PREX2: variants seen among roughly 807,000 people sequenced by gnomAD.
PREX2 encodes phosphatidylinositol-3,4,5-trisphosphate dependent Rac exchange factor 2.
PREX2 carries 107 observed loss-of-function variants against 203.2 expected under a neutral mutation model. That is an observed-to-expected ratio of 0.53 (90% confidence interval 0.45 to 0.62). PREX2 has a LOEUF of 0.62. Among genes scored for constraint, PREX2 ranks in the 20% least tolerant of loss-of-function variants. The pLI is 0.00. For missense variants in PREX2, 1,777 were observed against 1,955.9 expected (o/e 0.91, Z 1.72); for synonymous variants, 672 against 663.6 (o/e 1.01, Z -0.19).
rs148193907 is a variant in PREX2, at chr8:68,034,648, C to T, written c.706-3511C>T. ...AGACACAGAAAGAAATTGGACATTT[C>T]TTTACTACCTTTTTACATGGAAAAA... On this transcript the variant is annotated intron_variant, in intron 6 of 39. Coordinates refer to ENST00000288368, the MANE Select transcript of PREX2 (RefSeq NM_024870.4). Among the ~76,000 whole-genome samples the T allele has an allele frequency of 4.8e-3, 731 of 152,230 alleles. 6 individuals carry two copies. Among genetic ancestry groups the T allele is most frequent in the African/African-American group, 0.017 (697 of 41,570 alleles).
chr8:68,146,190 C>G lies in PREX2; in HGVS notation c.4088-19C>G. ...TATCCTTATTTTAGGAAGTAATATA[C>G]TATTAAATATCATTTTAGATGTTCC... On this transcript the variant is annotated intron_variant, in intron 33 of 39. Coordinates refer to ENST00000288368, the MANE Select transcript of PREX2 (RefSeq NM_024870.4). The G allele has an allele frequency of 6.4e-7, 1 of 1,572,660 alleles. No homozygotes were observed. Among genetic ancestry groups the G allele is most frequent in the East Asian group, 2.3e-5 (1 of 44,330 alleles).
intron 1 of PREX2, among the ~76,000 whole-genome samples, chr8:68,002,430 T>G (rs1407826103): frequency 6.6e-6 from 1 of 152,100 alleles, no homozygotes; most frequent in Non-Finnish European, 1.5e-5. Context: ...TACTCCCACC[T>G]CCATCTCACA....
At chr8:68,114,948 G>T (rs1280994315) in intron 25 of PREX2, among the ~76,000 whole-genome samples, 4 of 151,014 alleles carry the variant, frequency 2.6e-5, no homozygotes, top group Non-Finnish European at 4.4e-5. Flanking sequence ...TATAGTTTGG[G>T]TTTAATATTT....
At chr8:68,140,918 C>G (rs984111246) in intron 33 of PREX2, among the ~76,000 whole-genome samples, 1 of 152,082 alleles carries the variant, frequency 6.6e-6, no homozygotes, top group Non-Finnish European at 1.5e-5. Flanking sequence ...AGAATTATGG[C>G]ATGCCAAGCA....
intron 15 of PREX2, among the ~76,000 whole-genome samples, chr8:68,079,440 GT>G (rs1209398240): frequency 6.6e-6 from 1 of 152,268 alleles, no homozygotes; most frequent in East Asian, 1.9e-4. Context: ...TATGTAGAAG[GT>G]TTTATTGCCC....
intron 1 of PREX2, among the ~76,000 whole-genome samples, chr8:67,977,671 C>G (rs888839635): frequency 2.2e-4 from 34 of 152,094 alleles, no homozygotes; most frequent in African/African-American, 6.8e-4. Flanking sequence ...CAGCCCCACA[C>G]TCAACCTCTG....
intron 37 of PREX2, among the ~76,000 whole-genome samples, chr8:68,199,818 C>A (rs1367568560): frequency 1.3e-5 from 2 of 152,140 alleles, no homozygotes; most frequent in Non-Finnish European, 2.9e-5. Flanking sequence ...GACAAATAGG[C>A]CCAGATTAGG....
At chr8:68,089,096 A>G (rs1809786590) in intron 19 of PREX2, among the ~76,000 whole-genome samples, 1 of 152,218 alleles carries the variant, frequency 6.6e-6, no homozygotes. Context: ...GGGTCACTGC[A>G]GTCACGCTTG....
At chr8:68,073,721 G>T (rs1252668229) in intron 14 of PREX2, among the ~76,000 whole-genome samples, 1 of 152,100 alleles carries the variant, frequency 6.6e-6, no homozygotes, top group Non-Finnish European at 1.5e-5. Context: ...CATTCGAGCT[G>T]ATTTCTATGT....
In PREX2 at chr8:68,055,735, T is replaced by C. The variant is rs181017619; in HGVS notation, c.1094-95T>C. The stretch of plus-strand genomic sequence containing the variant: ...TGTATCCACAACCCCCAGCACATGG[T>C]AGACCTGCAACAAATGCTTGCTTAA... On this transcript the variant is annotated intron_variant, in intron 9 of 39. Transcript: ENST00000288368. The C allele has an allele frequency of 1.1e-4, 125 of 1,165,498 alleles. No individual in the cohort carries two copies. The East Asian group carries it at 1.3e-3, about 12-fold the overall frequency. The allele number at this position is 1,165,498 out of a possible 1,614,324, so 72.2% of individuals were successfully genotyped here. A position where few individuals can be genotyped will look rare whatever the true frequency, so the allele number is the denominator to read the frequency against.
chr8:68,162,596 A>G (rs532724022), intron 35 of PREX2, among the ~76,000 whole-genome samples: 2 of 152,276 alleles, frequency 1.3e-5, no homozygotes, highest in African/African-American at 4.8e-5. Flanking sequence ...AAAGATGGCA[A>G]TGAAGAGAAT....
At chr8:68,010,013 G>C (rs1807215803) in intron 1 of PREX2, among the ~76,000 whole-genome samples, 1 of 152,152 alleles carries the variant, frequency 6.6e-6, no homozygotes, top group Admixed American at 6.5e-5. Flanking sequence ...CACTTGCATT[G>C]TTCCATTTTT....
At chr8:68,049,873 T>A (rs910709779) in intron 8 of PREX2, among the ~76,000 whole-genome samples, 14 of 152,080 alleles carry the variant, frequency 9.2e-5, no homozygotes, top group African/African-American at 3.1e-4. Flanking sequence ...TATATGAAGA[T>A]ATTGAACAAT....
chr8:67,989,991 A>C (rs1358029547), intron 1 of PREX2, among the ~76,000 whole-genome samples: 1 of 152,100 alleles, frequency 6.6e-6, no homozygotes, highest in Non-Finnish European at 1.5e-5. Flanking sequence ...CTCTGGAGTG[A>C]ATCTTTTTTT....
At chr8:68,217,314 A>C (rs939401679) in intron 37 of PREX2, among the ~76,000 whole-genome samples, 3 of 152,228 alleles carry the variant, frequency 2.0e-5, no homozygotes, top group African/African-American at 7.2e-5. Context: ...ATATCATTAA[A>C]GAATAATATT....
intron 37 of PREX2, among the ~76,000 whole-genome samples, chr8:68,207,699 A>G (rs1203217343): frequency 2.6e-5 from 4 of 152,252 alleles, no homozygotes; most frequent in East Asian, 3.9e-4. Flanking sequence ...GTTGTATATT[A>G]TTATTAAATT....
In PREX2 at chr8:68,030,691, GAT is replaced by G. The variant is rs762957823; in HGVS notation, c.705+35_705+36del. ...CACTTTGCTTGACAATCGAGCTTAA[GAT>G]AGTTTTATGTTGCAGGCCTCGTGCA... On this transcript the variant is annotated intron_variant, in intron 6 of 39. Transcript: ENST00000288368. 3.1e-6 allele frequency: 5 copies of G among 1,609,678 alleles called. No homozygotes were observed. In the East Asian group the frequency reaches 1.1e-4, roughly 36 times the overall value.
chr8:68,096,575 A>C (rs1195636620), intron 21 of PREX2, among the ~76,000 whole-genome samples: 1 of 152,170 alleles, frequency 6.6e-6, no homozygotes, highest in Non-Finnish European at 1.5e-5. Context: ...TGCCAAAATA[A>C]AATGATTCTT....
intron 1 of PREX2, among the ~76,000 whole-genome samples, chr8:67,974,867 G>C (rs1352616416): frequency 6.6e-6 from 1 of 152,092 alleles, no homozygotes; most frequent in Non-Finnish European, 1.5e-5. Flanking sequence ...ATAAACAATT[G>C]GATATTAAGT....
Sources: gnomAD v4.1 joint callset for allele counts (sites outside exome capture counted in the v4.1 genomes callset) on GRCh38, gnomAD v4.1.1 for gene constraint, MANE v1.5 for transcripts, NCBI Gene and HGNC (gene_info 2026-07-23, HGNC 2026-07-21) for gene names.